INSYN2B: variants seen among roughly 807,000 people sequenced by gnomAD.
INSYN2B encodes inhibitory synaptic factor family member 2B.
In INSYN2B, 16 loss-of-function variants were observed where a neutral mutation model predicts 41.2. The observed-to-expected ratio is 0.39, with a 90% confidence interval of 0.26 to 0.59. INSYN2B has a LOEUF of 0.59. INSYN2B is among the 20% of genes least tolerant of loss of function. The pLI, the probability that INSYN2B is intolerant of heterozygous loss-of-function variation, is 0.57. For synonymous variants in INSYN2B, 245 were observed against 244.4 expected (o/e 1.00, Z -0.02); for missense variants, 608 against 646.4 (o/e 0.94, Z 0.64).
At chr5:169,904,966 G>A (rs1178773820) in intron 1 of INSYN2B, among the ~76,000 whole-genome samples, 3 of 152,132 alleles carry the variant, frequency 2.0e-5, no homozygotes, top group Non-Finnish European at 4.4e-5. Context: ...CTCCCTAGCT[G>A]TGTGACCTTG....
intron 1 of INSYN2B, among the ~76,000 whole-genome samples, chr5:169,913,997 C>G (rs1464755223): frequency 6.6e-6 from 1 of 152,202 alleles, no homozygotes; most frequent in Non-Finnish European, 1.5e-5. Context: ...CCATATCACA[C>G]AGCAGTTTAC....
intron 1 of INSYN2B, among the ~76,000 whole-genome samples, chr5:169,918,530 G>A (rs1775000048): frequency 1.3e-5 from 2 of 152,190 alleles, no homozygotes; most frequent in African/African-American, 4.8e-5. Flanking sequence ...CATATGTGGT[G>A]AAATAGACAA....
intron 1 of INSYN2B, among the ~76,000 whole-genome samples, chr5:169,970,415 G>C (rs1356005665): frequency 6.6e-6 from 1 of 152,250 alleles, no homozygotes; most frequent in East Asian, 1.9e-4. Context: ...CTGAAATAAG[G>C]CTGGGAAAGA....
chr5:169,928,736 G>C (rs1033849129), intron 1 of INSYN2B, among the ~76,000 whole-genome samples: 5 of 152,194 alleles, frequency 3.3e-5, no homozygotes, highest in African/African-American at 1.2e-4. Context: ...CCTTCATAGA[G>C]AACAGTTATA....
chr5:169,883,595 TG>T lies in INSYN2B; in HGVS notation c.303del (p.Ser102ValfsTer50). The stretch of plus-strand genomic sequence containing the variant: ...AAAACTGGGAAATGCTTCCTGAGAC[TG>T]GGGGAAGTTTGGATTGCAATGTTGC... The part of the protein sequence containing the change: ...GFRNIAIQTS[P>X]SLRKHFPVFK... On this transcript the variant is annotated frameshift_variant, in exon 2 of 4. Coordinates refer to ENST00000377365, the MANE Select transcript of INSYN2B (RefSeq NM_001129891.3). LOFTEE classifies it high-confidence loss of function. 6.4e-7 allele frequency: 1 copy of T among 1,551,654 alleles called. No homozygotes were observed.
At chr5:169,930,376 A>T (rs1775689051) in intron 1 of INSYN2B, among the ~76,000 whole-genome samples, 1 of 152,220 alleles carries the variant, frequency 6.6e-6, no homozygotes, top group African/African-American at 2.4e-5. Flanking sequence ...TTATGCACTC[A>T]CGACTGGGGT....
chr5:169,865,880 T>C (rs991443035), intron 3 of INSYN2B, among the ~76,000 whole-genome samples: 1 of 152,180 alleles, frequency 6.6e-6, no homozygotes, highest in Non-Finnish European at 1.5e-5. Context: ...TGCCCTTGCT[T>C]ACTCTCCCCA....
At chr5:169,930,371 C>T (rs1452547315) in intron 1 of INSYN2B, among the ~76,000 whole-genome samples, 5 of 152,170 alleles carry the variant, frequency 3.3e-5, no homozygotes, top group Admixed American at 6.5e-5. Context: ...TCTCCTTATG[C>T]ACTCACGACT....
At position 169,947,713 on chromosome 5, in the gene INSYN2B, G is replaced by A. The variant is rs578149825; in HGVS notation, c.-919+32564C>T. 5.3e-5 allele frequency among the ~76,000 whole-genome samples: 8 copies of A among 152,220 alleles called. No homozygotes were observed. In the South Asian group the frequency reaches 1.2e-3, roughly 24 times the overall value. On this transcript the variant is annotated intron_variant, in intron 1 of 3. Coordinates refer to ENST00000377365, the MANE Select transcript of INSYN2B (RefSeq NM_001129891.3). ...CCTGCTTTAGGGTGAAGGGAATGGC[G>A]GGCTGTCAGCATGCATGTATTGTTC... is the stretch of plus-strand genomic sequence containing the variant.
chr5:169,896,260 T>G (rs1773600122), intron 1 of INSYN2B, among the ~76,000 whole-genome samples: 1 of 152,154 alleles, frequency 6.6e-6, no homozygotes, highest in East Asian at 1.9e-4. Context: ...ATCCAGAATC[T>G]TATGGGTTCA....
At position 169,934,963 on chromosome 5, in the gene INSYN2B, A is replaced by G. The variant is rs376075314; in HGVS notation, c.-919+45314T>C. ...AAGTGATTGTGCTATGCTGGATACAATATCAGCTAGAATGCAAACGTTAGC... is the reference window on the plus strand; with the variant it reads ...AAGTGATTGTGCTATGCTGGATACAGTATCAGCTAGAATGCAAACGTTAGC... On this transcript the variant is annotated intron_variant, in intron 1 of 3. Coordinates refer to ENST00000377365, the MANE Select transcript of INSYN2B (RefSeq NM_001129891.3). 1.4e-4 allele frequency: 36 copies of G among 263,892 alleles called. No individual in the cohort carries two copies. In the East Asian group the frequency reaches 3.8e-3, roughly 28 times the overall value. 16.3% of individuals were successfully genotyped at this position (263,892 alleles called of 1,614,324 possible).
chr5:169,873,840 G>A (rs1561784437), intron 3 of INSYN2B, among the ~76,000 whole-genome samples: 2 of 152,158 alleles, frequency 1.3e-5, no homozygotes, highest in Non-Finnish European at 2.9e-5. Context: ...GTGACCTCAA[G>A]CGGCTCACAC....
At chr5:169,973,018 T>A (rs1476277924) in intron 1 of INSYN2B, among the ~76,000 whole-genome samples, 1 of 152,200 alleles carries the variant, frequency 6.6e-6, no homozygotes, top group Non-Finnish European at 1.5e-5. Context: ...GAGGCCTGGA[T>A]GATACGTTTG....
intron 1 of INSYN2B, among the ~76,000 whole-genome samples, chr5:169,952,371 T>C (rs1776697440): frequency 6.6e-6 from 1 of 152,084 alleles, no homozygotes; most frequent in African/African-American, 2.4e-5. Flanking sequence ...TAACTCAATC[T>C]CCTGCTTGGT....
chr5:169,891,367 A>G (rs191535747), intron 1 of INSYN2B, among the ~76,000 whole-genome samples: 77 of 152,348 alleles, frequency 5.1e-4, no homozygotes, highest in African/African-American at 1.9e-3. Context: ...ATGAATGAAT[A>G]GAGTAAATTC....
At chr5:169,946,120 G>A (rs1184793932) in intron 1 of INSYN2B, among the ~76,000 whole-genome samples, 1 of 152,190 alleles carries the variant, frequency 6.6e-6, no homozygotes, top group African/African-American at 2.4e-5. Flanking sequence ...TCTCAGCACA[G>A]CAAATATGAG....
At chr5:169,937,062 G>A (rs1334433433) in intron 1 of INSYN2B, among the ~76,000 whole-genome samples, 3 of 152,166 alleles carry the variant, frequency 2.0e-5, no homozygotes, top group Non-Finnish European at 2.9e-5. Context: ...CCAGTTTCTG[G>A]GCAGAGTAAT....
At chr5:169,966,846 C>T (rs1039958856) in intron 1 of INSYN2B, among the ~76,000 whole-genome samples, 5 of 152,226 alleles carry the variant, frequency 3.3e-5, no homozygotes, top group African/African-American at 1.2e-4. Context: ...ACTTTCCACA[C>T]AGATCAGACT....
intron 1 of INSYN2B, among the ~76,000 whole-genome samples, chr5:169,963,366 T>C (rs922187876): frequency 6.6e-6 from 1 of 152,146 alleles, no homozygotes; most frequent in Non-Finnish European, 1.5e-5. Flanking sequence ...AGCCTTTGAT[T>C]AGGCCTCCAT....
Sources: allele counts gnomAD v4.1 joint callset (sites outside exome capture counted in the v4.1 genomes callset), GRCh38; gene constraint gnomAD v4.1.1; transcripts MANE v1.5; gene names NCBI Gene and HGNC (gene_info 2026-07-23, HGNC 2026-07-21).